The following MPHOSPH9 variants were observed in gnomAD, a reference collection of about 807,000 sequenced individuals.
The protein encoded by MPHOSPH9 is M-phase phosphoprotein 9.
Under a neutral mutation model 145.5 loss-of-function variants are expected in MPHOSPH9, and 88 were observed. That is an observed-to-expected ratio of 0.60 (90% CI 0.51 to 0.72). The LOEUF is 0.72. MPHOSPH9 is among the 30% of genes least tolerant of loss of function. The pLI is 0.00. For missense variants in MPHOSPH9, 1,238 were observed against 1,386.6 expected (o/e 0.89, Z 1.70); for synonymous variants, 435 against 486.2 (o/e 0.89, Z 1.39).
chr12:123,154,268 C>G lies in MPHOSPH9; in HGVS notation c.*2539G>C, dbSNP rs948923231. 1 of 151,026 alleles carries G rather than the reference C, an allele frequency of 6.6e-6. No homozygotes were observed. 9.4% of individuals were successfully genotyped at this position (151,026 alleles called of 1,614,324 possible). On this transcript the variant is annotated 3_prime_UTR_variant, in exon 24 of 24. Transcript: ENST00000606320. ...TTAATACCTGCAGCAAAGCCCCAAG[C>G]CAACAACAAAAATAGTTTATACCCG...
At chr12:123,177,677 T>C (rs1210742238) in intron 15 of MPHOSPH9, among the ~76,000 whole-genome samples, 3 of 152,216 alleles carry the variant, frequency 2.0e-5, no homozygotes, top group Non-Finnish European at 4.4e-5. Flanking sequence ...GCAAGTTATA[T>C]AAATTTGACT....
rs1012509724 is a variant in MPHOSPH9, at chr12:123,241,569, A to G, written c.-159+2284T>C. Among the ~76,000 whole-genome samples the G allele has an allele frequency of 5.9e-4, 90 of 152,084 alleles. 1 individual carries two copies. The highest frequency in any genetic ancestry group is 2.1e-3 in the African/African-American group (87 of 41,468). On this transcript the variant is annotated intron_variant, in intron 1 of 2. Coordinates refer to the MPHOSPH9 transcript ENST00000545406. ...TGGCCAGGATGGTCTCGAATTCCTG[A>G]CCTCAGGTGATCCACCTACTTCAGC... is the stretch of plus-strand genomic sequence containing the variant.
intron 12 of MPHOSPH9, among the ~76,000 whole-genome samples, chr12:123,197,737 G>A (rs1167004837): frequency 1.1e-4 from 17 of 149,236 alleles, no homozygotes; most frequent in Admixed American, 2.7e-4. Flanking sequence ...AGCTGAGATC[G>A]CGCAACTGCA....
intron 4 of MPHOSPH9, 38 bp downstream of exon 4, chr12:123,223,000 G>A: frequency 2.8e-6 from 3 of 1,077,494 alleles, no homozygotes; most frequent in South Asian, 2.9e-5. Context: ...GTATGTATAT[G>A]TATATAAAAA....
intron 2 of MPHOSPH9, among the ~76,000 whole-genome samples, chr12:123,229,821 A>ATTT (rs370919298): frequency 0.09 from 12,148 of 135,710 alleles, 865 homozygotes; most frequent in East Asian, 0.3. Flanking sequence ...GTCCCCGAAC[A>ATTT]TTTTTTTTTT....
chr12:123,175,425 T>C (rs2044804629), intron 16 of MPHOSPH9, among the ~76,000 whole-genome samples: 2 of 152,148 alleles, frequency 1.3e-5, no homozygotes, highest in Admixed American at 6.6e-5. Flanking sequence ...ACTGCTGGGA[T>C]TACAGGCGTG....
At chr12:123,168,443 G>A (rs1264079228) in intron 16 of MPHOSPH9, among the ~76,000 whole-genome samples, 1 of 150,458 alleles carries the variant, frequency 6.6e-6, no homozygotes, top group Non-Finnish European at 1.5e-5. Flanking sequence ...CCAGGTTCAA[G>A]CGATTCTCCT....
chr12:123,179,586 C>CAA (rs1480622043), intron 15 of MPHOSPH9, among the ~76,000 whole-genome samples: 1 of 151,406 alleles, frequency 6.6e-6, no homozygotes, highest in Non-Finnish European at 1.5e-5. Context: ...ACAACAACAA[C>CAA]AACAAAAAAT....
At chr12:123,240,264 C>T (rs2047911311) in intron 1 of MPHOSPH9, among the ~76,000 whole-genome samples, 1 of 149,420 alleles carries the variant, frequency 6.7e-6, no homozygotes, top group Admixed American at 6.7e-5. Context: ...ATCCCAGCTA[C>T]TTGGGATGCT....
chr12:123,221,256 T>C lies in MPHOSPH9; in HGVS notation c.872+116A>G, dbSNP rs769076427. Reference sequence around the variant, plus strand: ...GTGTGCTTTGTTTATTTCAATTTTCTACAGGCAATGAACTGATAAATGTTC... The same window carrying C: ...GTGTGCTTTGTTTATTTCAATTTTCCACAGGCAATGAACTGATAAATGTTC... On this transcript the variant is annotated intron_variant, in intron 5 of 23. Transcript: ENST00000606320. The C allele has an allele frequency of 9.0e-4, 761 of 844,712 alleles. 6 individuals carry two copies. The highest frequency in any genetic ancestry group is 4.3e-4 in the Admixed American group (14 of 32,826). 52.3% of individuals were successfully genotyped at this position (844,712 alleles called of 1,614,324 possible). A position where few individuals can be genotyped will look rare whatever the true frequency, so the allele number is the denominator to read the frequency against.
At position 123,176,686 on chromosome 12, in the gene MPHOSPH9, A is replaced by G; in HGVS notation, c.2456+2T>C. 1 of 1,606,916 alleles carries G rather than the reference A, an allele frequency of 6.2e-7. No individual in the cohort carries two copies. The highest frequency in any genetic ancestry group is 8.5e-7 in the Non-Finnish European group (1 of 1,173,738). Reference sequence around the variant, plus strand: ...TTATAGAGAGTAAATGAAATAACTTACTTGGCACGCGAGGGTCTCACGTGA... The same window carrying G: ...TTATAGAGAGTAAATGAAATAACTTGCTTGGCACGCGAGGGTCTCACGTGA... On this transcript the variant is annotated splice_donor_variant, in intron 16 of 23. Coordinates refer to ENST00000606320, the MANE Select transcript of MPHOSPH9 (RefSeq NM_022782.4). LOFTEE classifies it high-confidence loss of function.
chr12:123,239,413 T>C (rs1046776817), intron 1 of MPHOSPH9, among the ~76,000 whole-genome samples: 3 of 151,802 alleles, frequency 2.0e-5, no homozygotes, highest in Non-Finnish European at 4.4e-5. Flanking sequence ...TTTTTTTGTT[T>C]GTTTTTTTGA....
chr12:123,157,198 T>G (rs1326601234), intron 23 of MPHOSPH9, among the ~76,000 whole-genome samples: 2 of 152,204 alleles, frequency 1.3e-5, no homozygotes, highest in African/African-American at 4.8e-5. Context: ...AGGATAATTC[T>G]TTGGCTCTGC....
intron 1 of MPHOSPH9, among the ~76,000 whole-genome samples, chr12:123,232,760 G>A (rs1227956402): frequency 6.6e-6 from 1 of 152,072 alleles, no homozygotes; most frequent in Non-Finnish European, 1.5e-5. Context: ...GATTCCAAAA[G>A]GAAACCGGGG....
chr12:123,162,087 A>G (rs368610616), intron 21 of MPHOSPH9, 28 bp downstream of exon 21: 286 of 1,360,372 alleles, frequency 2.1e-4, no homozygotes, highest in Non-Finnish European at 2.8e-4. Flanking sequence ...GATTAAAACC[A>G]TAACTAATAT....
intron 1 of MPHOSPH9, among the ~76,000 whole-genome samples, chr12:123,240,333 C>T (rs58809476): frequency 0.21 from 31,998 of 151,148 alleles, 3,586 homozygotes; most frequent in Middle Eastern, 0.28. Flanking sequence ...GTCAGGGTGA[C>T]GGAGACTCCG....
intron 12 of MPHOSPH9, among the ~76,000 whole-genome samples, chr12:123,195,097 A>G (rs1365079242): frequency 6.6e-6 from 1 of 152,212 alleles, no homozygotes; most frequent in Non-Finnish European, 1.5e-5. Context: ...ACATTATCAT[A>G]AGGTATACAG....
At chr12:123,162,815 G>A in intron 20 of MPHOSPH9, 199 bp downstream of exon 20, 1 of 462,278 alleles carries the variant, frequency 2.2e-6, no homozygotes, top group Non-Finnish European at 3.7e-6. Context: ...TCTAGTAGTA[G>A]CAAGTTTACA....
upstream of MPHOSPH9, chr12:123,233,368 T>C (rs2047757321): frequency 6.6e-6 from 1 of 152,238 alleles, no homozygotes; most frequent in Admixed American, 6.5e-5. Flanking sequence ...GAAGCTTCAG[T>C]TTCTCGCATG....
Sources: allele counts gnomAD v4.1 joint callset (sites outside exome capture counted in the v4.1 genomes callset), GRCh38; gene constraint gnomAD v4.1.1; transcripts MANE v1.5; gene names NCBI Gene and HGNC (gene_info 2026-07-23, HGNC 2026-07-21).